ADGRL3: variants seen among roughly 807,000 people sequenced by gnomAD.
ADGRL3 encodes calcium-independent alpha-latrotoxin receptor 3.
A neutral mutation model predicts 153.5 loss-of-function variants in ADGRL3; 62 were observed. That is an observed-to-expected ratio of 0.40 (90% confidence interval 0.33 to 0.50). ADGRL3 has a LOEUF of 0.50. ADGRL3 is among the 20% of genes least tolerant of loss of function. The pLI, the probability that ADGRL3 is intolerant of heterozygous loss-of-function variation, is 0.47. For synonymous variants in ADGRL3, 710 were observed against 672.5 expected, an observed-to-expected ratio of 1.06 and a Z score of -0.86; for missense variants, 1,641 against 1,859.4, an observed-to-expected ratio of 0.88 and a Z score of 2.16.
intron 4 of ADGRL3, among the ~76,000 whole-genome samples, chr4:61,541,439 C>T (rs1255043091): frequency 6.8e-6 from 1 of 147,842 alleles, no homozygotes; most frequent in African/African-American, 2.5e-5. Flanking sequence ...TTCCTGTAAT[C>T]CCATGCATGC....
rs975776283 is a variant in ADGRL3, at chr4:61,244,329, G to T, written c.-240+42564G>T. Among the ~76,000 whole-genome samples, 7 of 151,900 alleles carry T rather than the reference G, an allele frequency of 4.6e-5. No individual in the cohort carries two copies. In the East Asian group the frequency reaches 1.4e-3, roughly 29 times the overall value. ...CAATGATATAAATGCCCATTTAATAGAATATGAATATTTATCAATTAAACA... is the reference window on the plus strand; with the variant it reads ...CAATGATATAAATGCCCATTTAATATAATATGAATATTTATCAATTAAACA... On this transcript the variant is annotated intron_variant, in intron 1 of 26. Transcript: ENST00000683033.
intron 1 of ADGRL3, among the ~76,000 whole-genome samples, chr4:61,303,584 T>C (rs1246013562): frequency 1.3e-5 from 2 of 152,206 alleles, no homozygotes; most frequent in African/African-American, 4.8e-5. Context: ...TGTCATTTTT[T>C]TAATTGTTTG....
intron 1 of ADGRL3, among the ~76,000 whole-genome samples, chr4:61,307,479 A>G (rs997138149): frequency 2.6e-5 from 4 of 152,180 alleles, no homozygotes; most frequent in African/African-American, 7.2e-5. Context: ...CTTTAACTTT[A>G]AAGACTTTGT....
chr4:62,057,656 T>C (rs1737773127), intron 25 of ADGRL3, among the ~76,000 whole-genome samples: 1 of 152,094 alleles, frequency 6.6e-6, no homozygotes, highest in Non-Finnish European at 1.5e-5. Flanking sequence ...ATGGTAATGA[T>C]TCACATATAT....
intron 24 of ADGRL3, among the ~76,000 whole-genome samples, chr4:62,041,160 T>C (rs906850413): frequency 6.6e-6 from 1 of 152,078 alleles, no homozygotes; most frequent in Non-Finnish European, 1.5e-5. Context: ...TAGTAAACAT[T>C]ATGTTGCTAC....
chr4:61,683,114 A>ATTTTT (rs34187412), intron 6 of ADGRL3, among the ~76,000 whole-genome samples: 6 of 141,110 alleles, frequency 4.3e-5, no homozygotes, highest in African/African-American at 1.3e-4. Flanking sequence ...CAAGAGCTGT[A>ATTTTT]TTTTTTTTTT....
chr4:61,439,966 T>C (rs2097507069), intron 2 of ADGRL3, among the ~76,000 whole-genome samples: 1 of 152,212 alleles, frequency 6.6e-6, no homozygotes, highest in Non-Finnish European at 1.5e-5. Flanking sequence ...AATGAAATTG[T>C]TGCAATTTCT....
chr4:61,874,346 C>T (rs909579614), intron 9 of ADGRL3, among the ~76,000 whole-genome samples: 4 of 152,112 alleles, frequency 2.6e-5, no homozygotes, highest in African/African-American at 9.7e-5. Context: ...AACATGTCAG[C>T]TTGTTTCTTC....
intron 4 of ADGRL3, among the ~76,000 whole-genome samples, chr4:61,532,555 C>CGCGTGTGTGTGTGT (rs760218872): frequency 7.6e-6 from 1 of 131,472 alleles, no homozygotes; most frequent in African/African-American, 2.8e-5. Context: ...CGCGCGCGCG[C>CGCGTGTGTGTGTGT]GTGTGTGTGT....
At position 61,255,378 on chromosome 4, in the gene ADGRL3, G is replaced by T. The variant is rs146265720; in HGVS notation, c.-240+53613G>T. On this transcript the variant is annotated intron_variant, in intron 1 of 26. Transcript: ENST00000683033. ...TAAACATTGGCTTGATTTTGTTTCT[G>T]TAAAATTTTTTTTTCTTCTCCGCTG... Among the ~76,000 whole-genome samples, 11 of 152,242 alleles carry T rather than the reference G, an allele frequency of 7.2e-5. No homozygotes were observed. The East Asian group carries it at 9.7e-4, about 13-fold the overall frequency.
intron 2 of ADGRL3, among the ~76,000 whole-genome samples, chr4:61,400,508 T>C (rs2096917352): frequency 6.6e-6 from 1 of 151,874 alleles, no homozygotes; most frequent in African/African-American, 2.4e-5. Context: ...CATCACTATA[T>C]ATTGTTCCTG....
intron 1 of ADGRL3, among the ~76,000 whole-genome samples, chr4:61,357,286 A>G (rs1031964367): frequency 8.5e-5 from 13 of 152,178 alleles, no homozygotes; most frequent in Admixed American, 3.3e-4. Context: ...TACGAAAACT[A>G]TTTTCTGAAA....
chr4:62,000,022 A>C (rs2099134876), intron 21 of ADGRL3, among the ~76,000 whole-genome samples: 1 of 152,070 alleles, frequency 6.6e-6, no homozygotes, highest in African/African-American at 2.4e-5. Flanking sequence ...TTGAATTTGC[A>C]TAAATTAAAT....
chr4:61,593,817 T>C (rs1293067973), intron 5 of ADGRL3, among the ~76,000 whole-genome samples: 1 of 152,162 alleles, frequency 6.6e-6, no homozygotes, highest in Non-Finnish European at 1.5e-5. Flanking sequence ...TGCTGTTCTA[T>C]AACCTTCTTG....
At chr4:61,838,034 TG>T (rs1368546197) in intron 9 of ADGRL3, among the ~76,000 whole-genome samples, 2 of 151,992 alleles carry the variant, frequency 1.3e-5, no homozygotes, top group Admixed American at 6.6e-5. Context: ...AAAGTTTGTT[TG>T]GGGGAGGGAG....
intron 5 of ADGRL3, among the ~76,000 whole-genome samples, chr4:61,671,408 A>ATTGCTT (rs1008510087): frequency 6.6e-6 from 1 of 152,190 alleles, no homozygotes; most frequent in Non-Finnish European, 1.5e-5. Context: ...ATTAAACAAT[A>ATTGCTT]TTGCTTTAAA....
At chr4:61,753,935 G>C (rs945327856) in intron 8 of ADGRL3, among the ~76,000 whole-genome samples, 1 of 152,136 alleles carries the variant, frequency 6.6e-6, no homozygotes, top group African/African-American at 2.4e-5. Flanking sequence ...CAATGGACTT[G>C]CCATCAGTCT....
At chr4:61,314,326 C>T (rs1361467428) in intron 1 of ADGRL3, among the ~76,000 whole-genome samples, 1 of 151,992 alleles carries the variant, frequency 6.6e-6, no homozygotes, top group Non-Finnish European at 1.5e-5. Context: ...TCTCCTGCCT[C>T]AACCTCCTGA....
chr4:61,655,178 G>A (rs191676305), intron 5 of ADGRL3, among the ~76,000 whole-genome samples: 8 of 152,030 alleles, frequency 5.3e-5, no homozygotes, highest in African/African-American at 1.9e-4. Context: ...ATCAAGTATG[G>A]GTACAATTAA....
Sources: allele counts gnomAD v4.1 joint callset (sites outside exome capture counted in the v4.1 genomes callset), GRCh38; gene constraint gnomAD v4.1.1; transcripts MANE v1.5; gene names NCBI Gene and HGNC (gene_info 2026-07-23, HGNC 2026-07-21).